The following BTBD10 variants were observed in gnomAD, a reference collection of about 807,000 sequenced individuals.
BTBD10 encodes the protein BTB domain containing 10.
Under a neutral mutation model 53.2 loss-of-function variants are expected in BTBD10, and 21 were observed. That is an observed-to-expected ratio of 0.39 (90% CI 0.28 to 0.57). The LOEUF is 0.57. Ranked by LOEUF, BTBD10 falls within the 20% of genes least tolerant of loss-of-function variation. The pLI is 0.53. For synonymous variants in BTBD10, 149 were observed against 192.7 expected (o/e 0.77, Z 1.88); for missense variants, 360 against 594.7 (o/e 0.61, Z 4.10).
At position 13,457,111 on chromosome 11, in the gene BTBD10, G is replaced by C. The variant is rs142631489; in HGVS notation, c.-58+5981C>G. 6.2e-3 allele frequency among the ~76,000 whole-genome samples: 949 copies of C among 152,116 alleles called. 14 individuals carry two copies. The highest frequency in any genetic ancestry group is 0.022 in the African/African-American group (892 of 41,484). ...TGAGAGGTGAAGGCTGCAGTGAGCG[G>C]TGATCATGCCACTGCACTCCAGCCT... On this transcript the variant is annotated intron_variant, in intron 1 of 8. Coordinates refer to ENST00000278174, the MANE Select transcript of BTBD10 (RefSeq NM_032320.7).
chr11:13,436,556 C>T (rs574327023), intron 2 of BTBD10, among the ~76,000 whole-genome samples: 1 of 152,268 alleles, frequency 6.6e-6, no homozygotes, highest in Admixed American at 6.5e-5. Flanking sequence ...CCCAATTTTA[C>T]AGCTGAGAAA....
At chr11:13,422,330 A>AT (rs72189901) in intron 2 of BTBD10, among the ~76,000 whole-genome samples, 14 of 151,034 alleles carry the variant, frequency 9.3e-5, no homozygotes, top group African/African-American at 2.2e-4. Context: ...AAACACTATG[A>AT]TTTTTTTTTT....
chr11:13,463,131 T>G lies in BTBD10; in HGVS notation c.-97A>C, dbSNP rs949054361. ...TCCCCCTTCAGTGCCCACACAAGAT[T>G]GGGGCAAAGGCCGGGGCCAGTGACA... On this transcript the variant is annotated 5_prime_UTR_variant, in exon 1 of 9. Coordinates refer to ENST00000278174, the MANE Select transcript of BTBD10 (RefSeq NM_032320.7). 1 of 150,960 alleles carries G rather than the reference T, an allele frequency of 6.6e-6. No individual in the cohort carries two copies. The highest frequency in any genetic ancestry group is 2.4e-5 in the African/African-American group (1 of 41,120). 9.4% of individuals were successfully genotyped at this position (150,960 alleles called of 1,614,324 possible).
intron 1 of BTBD10, chr11:13,459,767 C>G: frequency 6.6e-6 from 1 of 152,260 alleles, no homozygotes; most frequent in African/African-American, 2.4e-5. Context: ...CAATGTATAG[C>G]CTAAGAATTG....
chr11:13,412,158 A>T (rs1264791673), intron 6 of BTBD10, among the ~76,000 whole-genome samples: 2 of 152,018 alleles, frequency 1.3e-5, no homozygotes, highest in Non-Finnish European at 2.9e-5. Flanking sequence ...AAGATGTGAA[A>T]AAACAGCAAC....
At chr11:13,452,005 CA>C (rs1363826100) in intron 1 of BTBD10, among the ~76,000 whole-genome samples, 2 of 150,828 alleles carry the variant, frequency 1.3e-5, no homozygotes, top group African/African-American at 4.9e-5. Context: ...ATGGAGATAA[CA>C]AAAAAAACCA....
chr11:13,457,110 G>A (rs1345256402), intron 1 of BTBD10, among the ~76,000 whole-genome samples: 3 of 151,900 alleles, frequency 2.0e-5, no homozygotes. Context: ...TGCAGTGAGC[G>A]GTGATCATGC....
chr11:13,413,352 C>A (rs1591116569), intron 6 of BTBD10, among the ~76,000 whole-genome samples, 178 bp downstream of exon 6: 2 of 152,092 alleles, frequency 1.3e-5, no homozygotes, highest in East Asian at 3.8e-4. Context: ...TGGAAAATTG[C>A]ACAAGGAGAT....
chr11:13,435,320 G>GTACTGT (rs1950527168), intron 2 of BTBD10, among the ~76,000 whole-genome samples: 1 of 151,908 alleles, frequency 6.6e-6, no homozygotes, highest in South Asian at 2.1e-4. Context: ...ACTGTTCTTG[G>GTACTGT]TACTGTTAAT....
At chr11:13,403,463 G>A (rs1949753497) in intron 7 of BTBD10, among the ~76,000 whole-genome samples, 185 bp from the exon 8 acceptor site, 1 of 152,224 alleles carries the variant, frequency 6.6e-6, no homozygotes, top group African/African-American at 2.4e-5. Context: ...AGAAGCAAAT[G>A]TCTACTTAAG....
At chr11:13,430,982 C>T (rs997535902) in intron 2 of BTBD10, among the ~76,000 whole-genome samples, 5 of 149,732 alleles carry the variant, frequency 3.3e-5, no homozygotes, top group African/African-American at 1.3e-4. Context: ...CATACACACA[C>T]ACACACACAC....
chr11:13,461,856 A>G (rs1951105608), intron 1 of BTBD10, among the ~76,000 whole-genome samples: 1 of 151,972 alleles, frequency 6.6e-6, no homozygotes, highest in African/African-American at 2.4e-5. Flanking sequence ...AATAGCTGTT[A>G]GGTCATACAC....
chr11:13,417,706 G>A (rs530244991), intron 4 of BTBD10, among the ~76,000 whole-genome samples: 1 of 152,278 alleles, frequency 6.6e-6, no homozygotes, highest in Non-Finnish European at 1.5e-5. Context: ...CTGAGACAAA[G>A]TGATATGATA....
intron 2 of BTBD10, 49 bp from the exon 3 acceptor site, chr11:13,421,887 G>A: frequency 2.1e-6 from 3 of 1,424,488 alleles, no homozygotes; most frequent in Non-Finnish European, 1.9e-6. Flanking sequence ...ACATAAGATT[G>A]GAAACATTTT....
chr11:13,413,476 G>T lies in BTBD10; in HGVS notation c.808+54C>A, dbSNP rs959624978. ...AAATAGCACTAATTTCAGGCTTTTTGTTCCAATATATTCTAATTCTACAAA... is the reference window on the plus strand; with the variant it reads ...AAATAGCACTAATTTCAGGCTTTTTTTTCCAATATATTCTAATTCTACAAA... On this transcript the variant is annotated intron_variant, in intron 6 of 8. Coordinates refer to ENST00000278174, the MANE Select transcript of BTBD10 (RefSeq NM_032320.7). 7.4e-6 allele frequency: 11 copies of T among 1,493,430 alleles called. No individual in the cohort carries two copies. In the South Asian group the frequency reaches 1.5e-4, roughly 20 times the overall value. The allele number at this position is 1,493,430 out of a possible 1,614,324, so 92.5% of individuals were successfully genotyped here.
intron 2 of BTBD10, among the ~76,000 whole-genome samples, chr11:13,434,393 A>G (rs1226752061): frequency 4.6e-5 from 7 of 152,216 alleles, no homozygotes; most frequent in Non-Finnish European, 7.3e-5. Context: ...TAAAAACGTA[A>G]GAAATAGAAC....
chr11:13,460,744 G>A (rs1951077363), intron 1 of BTBD10, among the ~76,000 whole-genome samples: 1 of 152,204 alleles, frequency 6.6e-6, no homozygotes. Flanking sequence ...TAAAATCCAA[G>A]GGATCAGTAT....
rs1591076329 is a variant in BTBD10 at position 13,388,520 on chromosome 11, C to T, written c.*311G>A. On this transcript the variant is annotated 3_prime_UTR_variant, in exon 9 of 9. Transcript: ENST00000278174. The stretch of plus-strand genomic sequence containing the variant: ...TCAGTCCAAACTGAAAGTACCCCAG[C>T]TGCCAATTTCCACCACTTCTGAAAA... 1 of 245,932 alleles carries T rather than the reference C, an allele frequency of 4.1e-6. No homozygotes were observed. The highest frequency in any genetic ancestry group is 7.8e-5 in the East Asian group (1 of 12,826). The allele number at this position is 245,932 out of a possible 1,614,324, so 15.2% of individuals were successfully genotyped here. A position where few individuals can be genotyped will look rare whatever the true frequency, so the allele number is the denominator to read the frequency against.
At chr11:13,454,919 A>G (rs900260242) in intron 1 of BTBD10, among the ~76,000 whole-genome samples, 1 of 151,924 alleles carries the variant, frequency 6.6e-6, no homozygotes, top group African/African-American at 2.4e-5. Flanking sequence ...TTAATTATTT[A>G]TGTATTTAGA....
Sources: gnomAD v4.1 joint callset for allele counts (sites outside exome capture counted in the v4.1 genomes callset) on GRCh38, gnomAD v4.1.1 for gene constraint, MANE v1.5 for transcripts, NCBI Gene and HGNC (gene_info 2026-07-23, HGNC 2026-07-21) for gene names.